Variants in MTM1 observed in about 807,000 individuals in gnomAD.
MTM1 encodes myotubularin 1.
A neutral mutation model predicts 52.1 loss-of-function variants in MTM1; 9 were observed. The ratio of observed to expected loss-of-function variants is 0.17; its 90% CI spans 0.10 to 0.30. The LOEUF is 0.30. Among genes scored for constraint, MTM1 ranks in the 10% least tolerant of loss-of-function variants. The pLI is 1.00. For synonymous variants in MTM1, 136 were observed against 163.8 expected (o/e 0.83, Z 1.29); for missense variants, 277 against 470.7 (o/e 0.59, Z 3.81).
At chrX:150,607,687 C>T (rs1289894906) in intron 4 of MTM1, among the ~76,000 whole-genome samples, 1 of 111,430 alleles carries the variant, frequency 9.0e-6, no homozygotes, top group East Asian at 2.8e-4. Flanking sequence ...TCTTTTTTCT[C>T]CATTGTCAGT....
intron 6 of MTM1, among the ~76,000 whole-genome samples, chrX:150,626,677 G>A (rs1351463630): frequency 1.8e-5 from 2 of 111,426 alleles, no homozygotes; most frequent in Admixed American, 9.5e-5. Context: ...AATTTTAAAC[G>A]AGGCTTAAAT....
At chrX:150,616,049 G>A (rs1042472961) in intron 5 of MTM1, among the ~76,000 whole-genome samples, 14 of 110,690 alleles carry the variant, frequency 1.3e-4, no homozygotes, top group Non-Finnish European at 2.1e-4. Context: ...ACAGTTTTGA[G>A]GTGACTTTCA....
intron 10 of MTM1, among the ~76,000 whole-genome samples, chrX:150,652,100 T>C (rs1557414228): frequency 9.0e-6 from 1 of 111,149 alleles, no homozygotes; most frequent in Non-Finnish European, 1.9e-5. Context: ...GAAGGGCTTT[T>C]CAAGTCATGG....
intron 1 of MTM1, among the ~76,000 whole-genome samples, chrX:150,585,656 C>T (rs1205304850): frequency 1.8e-5 from 2 of 111,659 alleles, no homozygotes; most frequent in Non-Finnish European, 3.8e-5. Flanking sequence ...GGCAGATGCA[C>T]GGGAACTTGA....
chrX:150,579,157 C>T (rs1482997063), intron 1 of MTM1, among the ~76,000 whole-genome samples: 8 of 110,252 alleles, frequency 7.3e-5, no homozygotes, highest in African/African-American at 1.0e-4. Context: ...TGGGTTCAAG[C>T]GATTCTCCCG....
intron 1 of MTM1, among the ~76,000 whole-genome samples, chrX:150,582,074 C>T (rs2038595014): frequency 9.0e-6 from 1 of 111,612 alleles, no homozygotes; most frequent in African/African-American, 3.3e-5. Context: ...TGTTTGTCAT[C>T]TTCCCAACTC....
chrX:150,669,485 A>G (rs1334604103), intron 14 of MTM1, among the ~76,000 whole-genome samples: 1 of 111,845 alleles, frequency 8.9e-6, no homozygotes, highest in Non-Finnish European at 1.9e-5. Flanking sequence ...ACTCCCACCA[A>G]CAGTGTAAAA....
At chrX:150,583,786 T>A (rs1160621162) in intron 1 of MTM1, among the ~76,000 whole-genome samples, 1 of 49,696 alleles carries the variant, frequency 2.0e-5, no homozygotes, top group Non-Finnish European at 3.4e-5. Context: ...ATATATAAAA[T>A]ATATATAAAA....
intron 4 of MTM1, among the ~76,000 whole-genome samples, chrX:150,606,977 C>T (rs1221926705): frequency 1.2e-5 from 1 of 85,096 alleles, no homozygotes; most frequent in Non-Finnish European, 2.4e-5. Flanking sequence ...CCCCTCCCCT[C>T]CCAAAATGGA....
At chrX:150,564,137 C>G (rs2038234404), upstream of MTM1, among the ~76,000 whole-genome samples, 1 of 111,524 alleles carries the variant, frequency 9.0e-6, no homozygotes. Flanking sequence ...AATCTGCTTT[C>G]TATCATTATT....
intron 6 of MTM1, among the ~76,000 whole-genome samples, chrX:150,632,038 T>C (rs2039680191): frequency 8.9e-6 from 1 of 112,281 alleles, no homozygotes; most frequent in African/African-American, 3.2e-5. Context: ...CTTTTTCTTT[T>C]CCTTTCTATT....
At position 150,641,311 on chromosome X, in the gene MTM1, T is replaced by A. The variant is rs1557413848; in HGVS notation, c.571T>A (p.Cys191Ser). ...HHWRITFINK[C>S]YELCDTYPAL... ...TTGGAGAATAACTTTTATTAATAAG[T>A]GCTATGAGCTCTGTGACACTTACCC... is the stretch of plus-strand genomic sequence containing the variant. The change falls in exon 8 of 15, where the codon TGC becomes AGC. Residue 191 changes from cysteine (C) to serine (S), a missense_variant. Physicochemically the swap from Cys to Ser is moderately radical, Grantham distance 112. This residue lies in a region of MTM1 where 164 missense variants were observed against 283.3 expected (regional missense o/e 0.58). Coordinates refer to ENST00000370396, the MANE Select transcript of MTM1 (RefSeq NM_000252.3). 8.3e-7 allele frequency: 1 copy of A among 1,211,220 alleles called. No homozygotes were observed. Among genetic ancestry groups the A allele is most frequent in the Admixed American group, 2.2e-5 (1 of 46,023 alleles).
intron 1 of MTM1, among the ~76,000 whole-genome samples, chrX:150,579,702 G>C: frequency 9.3e-6 from 1 of 107,862 alleles, no homozygotes; most frequent in Admixed American, 1.0e-4. Flanking sequence ...GGGTCTTGCT[G>C]TATTGCCCAG....
At chrX:150,611,764 C>T (rs181822784) in intron 4 of MTM1, among the ~76,000 whole-genome samples, 89 of 112,279 alleles carry the variant, frequency 7.9e-4, no homozygotes, top group African/African-American at 2.5e-3. Context: ...CAAAAGAACT[C>T]GCTCGTGCTG....
intron 4 of MTM1, among the ~76,000 whole-genome samples, chrX:150,607,878 C>T (rs1192296545): frequency 8.9e-6 from 1 of 111,776 alleles, no homozygotes; most frequent in African/African-American, 3.3e-5. Context: ...TTCTGATAGT[C>T]ACGCCAATAT....
At chrX:150,660,692 G>A (rs781943656) in intron 13 of MTM1, among the ~76,000 whole-genome samples, 1 of 112,049 alleles carries the variant, frequency 8.9e-6, no homozygotes, top group Non-Finnish European at 1.9e-5. Flanking sequence ...TTAGCTCACA[G>A]TTCTGCAGGC....
intron 14 of MTM1, among the ~76,000 whole-genome samples, chrX:150,667,569 G>T (rs1557414995): frequency 8.9e-6 from 1 of 112,041 alleles, no homozygotes; most frequent in Non-Finnish European, 1.9e-5. Context: ...GCCCTCAGTT[G>T]AATTTTAAGA....
At chrX:150,615,023 G>T (rs1557413106) in intron 5 of MTM1, among the ~76,000 whole-genome samples, 1 of 111,436 alleles carries the variant, frequency 9.0e-6, no homozygotes, top group African/African-American at 3.3e-5. Context: ...GCCCCTTCAT[G>T]TCATATGTTA....
At chrX:150,591,933 G>T (rs2038892371) in intron 1 of MTM1, among the ~76,000 whole-genome samples, 1 of 112,754 alleles carries the variant, frequency 8.9e-6, no homozygotes, top group Non-Finnish European at 1.9e-5. Flanking sequence ...TTCTGTTGTT[G>T]CTGTAATCTT....
Sources: gnomAD v4.1 joint callset for allele counts (sites outside exome capture counted in the v4.1 genomes callset) on GRCh38, gnomAD v4.1.1 for gene constraint, gnomAD v4.1.1 regional missense constraint, MANE v1.5 for transcripts, NCBI Gene and HGNC (gene_info 2026-07-23, HGNC 2026-07-21) for gene names.